The following NBEA variants were observed in gnomAD, a reference collection of about 807,000 sequenced individuals.
NBEA encodes the protein lysosomal-trafficking regulator 2.
Under a neutral mutation model 343.4 loss-of-function variants are expected in NBEA, and 44 were observed. The ratio of observed to expected loss-of-function variants is 0.13; its 90% CI spans 0.10 to 0.16. The LOEUF (loss-of-function observed/expected upper bound fraction) is 0.16. Ranked by LOEUF, NBEA falls within the 10% of genes least tolerant of loss-of-function variation. The pLI, the probability that NBEA is intolerant of heterozygous loss-of-function variation, is 1.00. For synonymous variants in NBEA, 1,175 were observed against 1,238.7 expected, an observed-to-expected ratio of 0.95 and a Z score of 1.08; for missense variants, 2,555 against 3,631.3, an observed-to-expected ratio of 0.70 and a Z score of 7.62.
At chr13:35,546,231 T>TATCAA (rs1300722012) in intron 41 of NBEA, among the ~76,000 whole-genome samples, 25 of 152,264 alleles carry the variant, frequency 1.6e-4, no homozygotes, top group African/African-American at 6.0e-4. Context: ...TAAGATAGGC[T>TATCAA]GTGTGTTGGG....
intron 36 of NBEA, among the ~76,000 whole-genome samples, chr13:35,313,062 A>G (rs2037475763): frequency 6.6e-6 from 1 of 152,178 alleles, no homozygotes; most frequent in Admixed American, 6.5e-5. Flanking sequence ...GAGAGAGTGA[A>G]TAGAGTGAGT....
chr13:35,078,090 C>T (rs968930862), intron 10 of NBEA, among the ~76,000 whole-genome samples: 8 of 152,046 alleles, frequency 5.3e-5, no homozygotes, highest in Admixed American at 4.6e-4. Flanking sequence ...GGTTTCTGTG[C>T]GCTTAAATCT....
chr13:35,113,079 C>T (rs2066297878), intron 13 of NBEA, among the ~76,000 whole-genome samples: 3 of 152,040 alleles, frequency 2.0e-5, no homozygotes, highest in African/African-American at 7.2e-5. Context: ...TTTTAATGTT[C>T]TTCAATGTAG....
intron 37 of NBEA, among the ~76,000 whole-genome samples, chr13:35,350,740 G>GTA (rs901567187): frequency 1.0e-5 from 1 of 100,280 alleles, no homozygotes; most frequent in Non-Finnish European, 2.0e-5. Flanking sequence ...GTGTGTGTGT[G>GTA]TGTGTGTGTG....
intron 13 of NBEA, among the ~76,000 whole-genome samples, chr13:35,111,913 C>CTTTTT (rs773135374): frequency 7.3e-5 from 9 of 122,750 alleles, no homozygotes; most frequent in African/African-American, 1.0e-4. Context: ...TAACACTTTC[C>CTTTTT]TTTTTTTTTT....
At chr13:35,207,713 C>A (rs1488780243) in intron 31 of NBEA, among the ~76,000 whole-genome samples, 3 of 152,002 alleles carry the variant, frequency 2.0e-5, no homozygotes, top group Admixed American at 2.0e-4. Flanking sequence ...ATGTTGAACT[C>A]CTCTGTTAAA....
At chr13:35,022,232 G>C (rs999615632) in intron 1 of NBEA, among the ~76,000 whole-genome samples, 13 of 152,020 alleles carry the variant, frequency 8.6e-5, no homozygotes, top group Non-Finnish European at 1.8e-4. Flanking sequence ...TATAAAGGTG[G>C]TTATACAGCT....
At chr13:34,969,298 T>G (rs2059923718) in intron 1 of NBEA, among the ~76,000 whole-genome samples, 1 of 152,046 alleles carries the variant, frequency 6.6e-6, no homozygotes, top group Non-Finnish European at 1.5e-5. Context: ...GCATGAACAT[T>G]TAAAATTTTT....
Position 35,328,540 on chromosome 13 carries a change from G to A in NBEA, c.5903+18948G>A, listed in dbSNP as rs185485539. On this transcript the variant is annotated intron_variant, in intron 36 of 58. Transcript: ENST00000379939. ...AACATAAAGGATAAATGCTGGAGGGGATGGATACCCCATTTTGCATGATGT... is the reference window on the plus strand; with the variant it reads ...AACATAAAGGATAAATGCTGGAGGGAATGGATACCCCATTTTGCATGATGT... Among the ~76,000 whole-genome samples, 21 of 152,018 alleles carry A rather than the reference G, an allele frequency of 1.4e-4. No homozygotes were observed. In the East Asian group the frequency reaches 2.9e-3, roughly 21 times the overall value.
At chr13:35,610,644 G>A (rs1454944075) in intron 48 of NBEA, among the ~76,000 whole-genome samples, 1 of 152,098 alleles carries the variant, frequency 6.6e-6, no homozygotes, top group African/African-American at 2.4e-5. Context: ...CTTTATGTTA[G>A]CAAAGATGTT....
At chr13:35,399,078 G>T (rs1371379608) in intron 38 of NBEA, among the ~76,000 whole-genome samples, 1 of 152,058 alleles carries the variant, frequency 6.6e-6, no homozygotes, top group Non-Finnish European at 1.5e-5. Context: ...TATGGAGATG[G>T]CTTCTTTCTT....
intron 30 of NBEA, among the ~76,000 whole-genome samples, chr13:35,184,377 G>A (rs897800764): frequency 8.6e-5 from 13 of 151,982 alleles, no homozygotes; most frequent in Admixed American, 7.9e-4. Context: ...GACTAAATGA[G>A]CCTAATATAA....
chr13:35,517,306 C>T (rs927614735), intron 41 of NBEA, among the ~76,000 whole-genome samples: 6 of 152,120 alleles, frequency 3.9e-5, no homozygotes, highest in Admixed American at 6.6e-5. Context: ...AATTCCTTTT[C>T]GTGCTTTAAA....
intron 39 of NBEA, among the ~76,000 whole-genome samples, chr13:35,450,631 T>C (rs1265651876): frequency 6.6e-6 from 1 of 152,196 alleles, no homozygotes; most frequent in African/African-American, 2.4e-5. Flanking sequence ...AGCCATTGTT[T>C]ATGGTCCGAC....
At chr13:35,596,072 C>T (rs766471535) in intron 47 of NBEA, among the ~76,000 whole-genome samples, 8 of 151,358 alleles carry the variant, frequency 5.3e-5, no homozygotes, top group African/African-American at 1.7e-4. Flanking sequence ...TGTTATGGTT[C>T]GTTTAATGTG....
At chr13:35,008,838 C>G (rs1169107651) in intron 1 of NBEA, among the ~76,000 whole-genome samples, 1 of 152,140 alleles carries the variant, frequency 6.6e-6, no homozygotes, top group Non-Finnish European at 1.5e-5. Context: ...GGTATACTTA[C>G]TTGCAACAAT....
chr13:35,233,320 G>T lies in NBEA; in HGVS notation c.5776+701G>T, dbSNP rs377460221. Among the ~76,000 whole-genome samples the T allele has an allele frequency of 1.2e-4, 18 of 151,834 alleles. No homozygotes were observed. The East Asian group carries it at 1.9e-3, about 16-fold the overall frequency. ...TTTAGCATCCTTGTATATCTTTTTT[G>T]CTTTTCACTTCCTGTTTACTGTAGA... On this transcript the variant is annotated intron_variant, in intron 34 of 58. Transcript: ENST00000379939.
Position 35,093,734 on chromosome 13 carries a change from T to A in NBEA, c.1572-4563T>A, listed in dbSNP as rs74051249. The stretch of plus-strand genomic sequence containing the variant: ...TTATTAAATTTCTAAAGCATTCATC[T>A]ATCCATATTTACTATAGTGGTGGCT... On this transcript the variant is annotated intron_variant, in intron 10 of 58. Coordinates refer to ENST00000379939, the MANE Select transcript of NBEA (RefSeq NM_001385012.1). 2.2e-3 allele frequency among the ~76,000 whole-genome samples: 340 copies of A among 152,150 alleles called. 1 individual carries two copies. Among genetic ancestry groups the A allele is most frequent in the African/African-American group, 7.9e-3 (329 of 41,540 alleles).
chr13:35,155,791 A>G lies in NBEA; in HGVS notation c.2463A>G (p.Val821=). The G allele has an allele frequency of 1.9e-6, 3 of 1,609,250 alleles. No individual in the cohort carries two copies. The highest frequency in any genetic ancestry group is 1.3e-5 in the African/African-American group (1 of 74,958). ...NTLYEILTEQ[V]CTQVVHKPHP... is the part of the protein sequence containing the mutation. ...TTTTTCAGATCTTGACAGAACAAGT[A>G]TGTACTCAGGTCGTACACAAACCAC... The change falls in exon 19 of 59, where the codon GTA becomes GTG. Residue 821 remains valine (V), a synonymous_variant. Transcript: ENST00000379939.
Sources: allele counts gnomAD v4.1 joint callset (sites outside exome capture counted in the v4.1 genomes callset), GRCh38; gene constraint gnomAD v4.1.1; transcripts MANE v1.5; gene names NCBI Gene and HGNC (gene_info 2026-07-23, HGNC 2026-07-21).